CTIF: variants seen among roughly 807,000 people sequenced by gnomAD.
CTIF encodes the protein cap binding complex dependent translation initiation factor.
Under a neutral mutation model 66.0 loss-of-function variants are expected in CTIF, and 21 were observed. The ratio of observed to expected loss-of-function variants is 0.32; its 90% CI spans 0.23 to 0.46. The LOEUF is 0.46. CTIF is among the 20% of genes least tolerant of loss of function. CTIF has a pLI of 1.00. For synonymous variants in CTIF, 345 were observed against 326.4 expected (o/e 1.06, Z -0.62); for missense variants, 739 against 812.7 (o/e 0.91, Z 1.10).
rs779907034 is a variant in CTIF at position 48,676,550 on chromosome 18, G to A, written c.507+5806G>A. ...CCCCACATTGCTGGCCTTGTCCAGA[G>A]CGTGTGACTCAGGAGCCCTTTGCTG... is the stretch of plus-strand genomic sequence containing the variant. On this transcript the variant is annotated intron_variant, in intron 6 of 11. Transcript: ENST00000256413. Among the ~76,000 whole-genome samples the A allele has an allele frequency of 4.9e-4, 75 of 152,320 alleles. No individual in the cohort carries two copies. In the Middle Eastern group the frequency reaches 0.02, roughly 41 times the overall value.
intron 9 of CTIF, among the ~76,000 whole-genome samples, chr18:48,778,674 G>A (rs1910916399): frequency 2.0e-5 from 3 of 152,206 alleles, no homozygotes; most frequent in Admixed American, 1.3e-4. Context: ...AACAGGCAGA[G>A]GTGGTGGGGG....
intron 2 of CTIF, among the ~76,000 whole-genome samples, chr18:48,622,582 G>T (rs2090516858): frequency 6.6e-6 from 1 of 152,166 alleles, no homozygotes; most frequent in African/African-American, 2.4e-5. Context: ...GGTCTTGTCT[G>T]GTGGTGCATT....
chr18:48,639,363 C>T (rs1460032021), intron 3 of CTIF, among the ~76,000 whole-genome samples: 1 of 152,116 alleles, frequency 6.6e-6, no homozygotes, highest in Non-Finnish European at 1.5e-5. Context: ...CCTTCAAGGG[C>T]GTCACTGCTA....
intron 1 of CTIF, among the ~76,000 whole-genome samples, chr18:48,563,002 G>A (rs1040161879): frequency 6.6e-6 from 1 of 152,238 alleles, no homozygotes; most frequent in Non-Finnish European, 1.5e-5. Flanking sequence ...CACGCTGAAT[G>A]TCACCTTCCC....
At chr18:48,821,302 C>T (rs1030296504) in intron 10 of CTIF, among the ~76,000 whole-genome samples, 12 of 152,232 alleles carry the variant, frequency 7.9e-5, no homozygotes. Context: ...GCATGGACGC[C>T]TCCATCTCAA....
chr18:48,764,161 A>G lies in CTIF; in HGVS notation c.1371+2472A>G, dbSNP rs191080513. Among the ~76,000 whole-genome samples the G allele has an allele frequency of 4.5e-3, 684 of 152,094 alleles. 2 individuals are homozygous for G. The highest frequency in any genetic ancestry group is 7.7e-3 in the Non-Finnish European group (526 of 67,980). Reference sequence around the variant, plus strand: ...CTACTTCAGGTGGTGCTAGGGCCCCACTTTCCAGGAAACACTGGCCCTTCT... The same window carrying G: ...CTACTTCAGGTGGTGCTAGGGCCCCGCTTTCCAGGAAACACTGGCCCTTCT... On this transcript the variant is annotated intron_variant, in intron 9 of 11. Coordinates refer to ENST00000256413, the MANE Select transcript of CTIF (RefSeq NM_014772.3).
At chr18:48,671,274 A>T (rs2091529640) in intron 6 of CTIF, among the ~76,000 whole-genome samples, 1 of 152,126 alleles carries the variant, frequency 6.6e-6, no homozygotes, top group African/African-American at 2.4e-5. Context: ...CAGTGAATCC[A>T]GGTCTCTAGA....
At chr18:48,664,817 C>T (rs989494989) in intron 5 of CTIF, among the ~76,000 whole-genome samples, 2 of 152,138 alleles carry the variant, frequency 1.3e-5, no homozygotes, top group Non-Finnish European at 2.9e-5. Context: ...TCCACGCCAG[C>T]GCAGCAGAAT....
chr18:48,857,642 G>T lies in CTIF; in HGVS notation c.1581+1G>T. 6.2e-7 allele frequency: 1 copy of T among 1,605,670 alleles called. No homozygotes were observed. The highest frequency in any genetic ancestry group is 8.5e-7 in the Non-Finnish European group (1 of 1,175,936). ...TGCTGTCCTTTGCTGCTCTATGGAG[G>T]TAAGCTTTGGGGCTTCGACATCCCC... On this transcript the variant is annotated splice_donor_variant, in intron 11 of 11. Coordinates refer to ENST00000256413, the MANE Select transcript of CTIF (RefSeq NM_014772.3). LOFTEE classifies it high-confidence loss of function.
intron 6 of CTIF, among the ~76,000 whole-genome samples, chr18:48,704,452 C>T (rs376071604): frequency 6.6e-6 from 1 of 152,144 alleles, no homozygotes; most frequent in Non-Finnish European, 1.5e-5. Context: ...TTTTGCCCAC[C>T]ACTCCACCTG....
chr18:48,769,058 C>T (rs932181104), intron 9 of CTIF, among the ~76,000 whole-genome samples: 9 of 152,180 alleles, frequency 5.9e-5, no homozygotes, highest in Admixed American at 3.9e-4. Context: ...ACTCTCCATT[C>T]GCCCTAGTCC....
chr18:48,842,936 T>TG (rs1451936685), intron 10 of CTIF, among the ~76,000 whole-genome samples: 1 of 152,068 alleles, frequency 6.6e-6, no homozygotes, highest in Non-Finnish European at 1.5e-5. Flanking sequence ...GGGCTGGAGC[T>TG]GGGGGCAGGG....
chr18:48,601,462 C>G (rs1200986447), intron 1 of CTIF, among the ~76,000 whole-genome samples: 2 of 152,218 alleles, frequency 1.3e-5, no homozygotes, highest in South Asian at 2.1e-4. Flanking sequence ...AAGCTGTCCC[C>G]CCGAGGGTCC....
intron 6 of CTIF, among the ~76,000 whole-genome samples, chr18:48,701,490 C>T (rs1158365992): frequency 6.6e-6 from 1 of 150,564 alleles, no homozygotes; most frequent in African/African-American, 2.5e-5. Flanking sequence ...CCCATTTGGT[C>T]TTCGACACAG....
At chr18:48,793,180 C>T (rs1366006826) in intron 9 of CTIF, among the ~76,000 whole-genome samples, 1 of 152,172 alleles carries the variant, frequency 6.6e-6, no homozygotes, top group Admixed American at 6.5e-5. Context: ...GATCCCCTTG[C>T]AGGCTAGCAC....
At chr18:48,563,975 C>T (rs1210457767) in intron 1 of CTIF, among the ~76,000 whole-genome samples, 1 of 152,188 alleles carries the variant, frequency 6.6e-6, no homozygotes, top group South Asian at 2.1e-4. Flanking sequence ...CCTGAGAACC[C>T]GGAATCTCAG....
At chr18:48,780,728 AG>A (rs1457278904) in intron 9 of CTIF, among the ~76,000 whole-genome samples, 1 of 152,206 alleles carries the variant, frequency 6.6e-6, no homozygotes, top group Non-Finnish European at 1.5e-5. Context: ...CGCACACAAG[AG>A]GCAGCGTGCT....
At chr18:48,576,288 G>A (rs763371851) in intron 1 of CTIF, among the ~76,000 whole-genome samples, 26 of 152,254 alleles carry the variant, frequency 1.7e-4, no homozygotes, top group Non-Finnish European at 3.4e-4. Context: ...ACTCAGTGTC[G>A]CGTGATGTGT....
At chr18:48,613,122 C>T (rs1201473277) in intron 1 of CTIF, among the ~76,000 whole-genome samples, 1 of 152,040 alleles carries the variant, frequency 6.6e-6, no homozygotes, top group African/African-American at 2.4e-5. Context: ...GAGGTAATGC[C>T]CCTAATGCCT....
Sources: allele counts gnomAD v4.1 joint callset (sites outside exome capture counted in the v4.1 genomes callset), GRCh38; gene constraint gnomAD v4.1.1; transcripts MANE v1.5; gene names NCBI Gene and HGNC (gene_info 2026-07-23, HGNC 2026-07-21).